The following PNPLA1 variants were observed in gnomAD, a reference collection of about 807,000 sequenced individuals.
PNPLA1 encodes the protein patatin like domain 1, omega-hydroxyceramide transacylase, also known as omega-hydroxyceramide transacylase.
In PNPLA1, 36 loss-of-function variants were observed where a neutral mutation model predicts 51.7. That is an observed-to-expected ratio of 0.70 (90% CI 0.53 to 0.92). The LOEUF (loss-of-function observed/expected upper bound fraction) is 0.92. PNPLA1 is among the 40% of genes least tolerant of loss of function. The pLI is 0.00. For missense variants in PNPLA1, 658 were observed against 682.5 expected (o/e 0.96, Z 0.40); for synonymous variants, 293 against 280.1 (o/e 1.05, Z -0.46).
chr6:36,262,734 C>T (rs995051008), intron 1 of PNPLA1, among the ~76,000 whole-genome samples: 9 of 152,104 alleles, frequency 5.9e-5, no homozygotes, highest in African/African-American at 2.2e-4. Context: ...GTTATTTTTC[C>T]TTCTTACCAA....
At chr6:36,260,404 T>C (rs1356766167) in intron 1 of PNPLA1, among the ~76,000 whole-genome samples, 4 of 152,214 alleles carry the variant, frequency 2.6e-5, no homozygotes, top group Non-Finnish European at 5.9e-5. Context: ...GAGAAATATA[T>C]GGAAAAAGTA....
At position 36,302,121 on chromosome 6, in the gene PNPLA1, C is replaced by G. The variant is rs762355904; in HGVS notation, c.1036C>G (p.Pro346Ala). The G allele has an allele frequency of 6.2e-7, 1 of 1,614,106 alleles. No homozygotes were observed. The highest frequency in any genetic ancestry group is 2.2e-5 in the East Asian group (1 of 44,892). ...EFTCESPVSA[P>A]VSPLEQPPAQ... ...CACATGCGAGTCACCTGTTTCAGCA[C>G]CAGTCTCTCCACTTGAGCAGCCACC... The change falls in exon 6 of 9, where the codon CCA becomes GCA. Residue 346 changes from proline to alanine, a missense_variant. Transcript: ENST00000636260.
At chr6:36,296,987 C>T (rs1470301745) in intron 5 of PNPLA1, among the ~76,000 whole-genome samples, 3 of 152,216 alleles carry the variant, frequency 2.0e-5, no homozygotes, top group Non-Finnish European at 4.4e-5. Flanking sequence ...AGCAAAGCCA[C>T]AAGCCCTTAT....
At chr6:36,262,847 A>G (rs988735666) in intron 1 of PNPLA1, among the ~76,000 whole-genome samples, 5 of 151,968 alleles carry the variant, frequency 3.3e-5, no homozygotes, top group African/African-American at 1.2e-4. Flanking sequence ...CATTCATTTA[A>G]CTAGCTTGCC....
chr6:36,276,533 TG>T (rs1453683271), intron 1 of PNPLA1, among the ~76,000 whole-genome samples: 2 of 152,184 alleles, frequency 1.3e-5, no homozygotes, highest in African/African-American at 4.8e-5. Context: ...TGATTGCCAC[TG>T]GGGGATCCAG....
At chr6:36,271,755 A>T (rs923598892) in intron 1 of PNPLA1, among the ~76,000 whole-genome samples, 2 of 152,170 alleles carry the variant, frequency 1.3e-5, no homozygotes, top group African/African-American at 4.8e-5. Flanking sequence ...GGAGGTCAAC[A>T]GGGGCCAGGT....
chr6:36,277,561 T>A (rs990211290), intron 1 of PNPLA1, among the ~76,000 whole-genome samples: 21 of 152,172 alleles, frequency 1.4e-4, no homozygotes, highest in Admixed American at 7.2e-4. Flanking sequence ...ACCAAAACCA[T>A]GACTTCCTAA....
chr6:36,262,865 T>C (rs575828000), intron 1 of PNPLA1, among the ~76,000 whole-genome samples: 2 of 152,178 alleles, frequency 1.3e-5, no homozygotes, highest in Non-Finnish European at 1.5e-5. Flanking sequence ...GCCATTGATA[T>C]ACTTTTAGGT....
At chr6:36,306,733 G>C (rs947451803) in intron 7 of PNPLA1, among the ~76,000 whole-genome samples, 1 of 152,080 alleles carries the variant, frequency 6.6e-6, no homozygotes, top group Non-Finnish European at 1.5e-5. Context: ...CTACCTCCCA[G>C]CCTTAGGTAG....
chr6:36,302,320 C>A lies in PNPLA1; in HGVS notation c.1235C>A (p.Ala412Asp), dbSNP rs919843591. 6.2e-7 allele frequency: 1 copy of A among 1,614,068 alleles called. No individual in the cohort carries two copies. Among genetic ancestry groups the A allele is most frequent in the African/African-American group, 1.3e-5 (1 of 75,058 alleles). ...QQQVQPSGSP[A>D]RSLHSQAPTS... ...CAGGTACAACCGTCTGGATCACCAG[C>A]CAGATCCCTACACTCTCAGGCACCC... is the stretch of plus-strand genomic sequence containing the variant. The change falls in exon 6 of 9, where the codon GCC becomes GAC. Residue 412 changes from alanine to aspartate, a missense_variant. Ala to Asp is a moderately radical substitution (Grantham distance 126, BLOSUM62 -2). Coordinates refer to ENST00000636260, the MANE Select transcript of PNPLA1 (RefSeq NM_001374623.1).
chr6:36,247,331 A>G (rs554682910), intron 1 of PNPLA1, among the ~76,000 whole-genome samples: 1 of 151,484 alleles, frequency 6.6e-6, no homozygotes, highest in Admixed American at 6.6e-5. Context: ...TTCCCTCCAC[A>G]CTCCAAGTTG....
At chr6:36,301,363 A>G (rs1370548670) in intron 5 of PNPLA1, among the ~76,000 whole-genome samples, 1 of 152,070 alleles carries the variant, frequency 6.6e-6, no homozygotes, top group Non-Finnish European at 1.5e-5. Flanking sequence ...TGCTGCCTAC[A>G]GCCCTGACAT....
At chr6:36,262,260 C>T (rs1248312337) in intron 1 of PNPLA1, among the ~76,000 whole-genome samples, 1 of 130,494 alleles carries the variant, frequency 7.7e-6, no homozygotes, top group East Asian at 2.4e-4. Flanking sequence ...ACCTCTGTCC[C>T]ACAGACAACC....
chr6:36,309,662 G>A (rs1018827039), intron 8 of PNPLA1, among the ~76,000 whole-genome samples: 10 of 152,214 alleles, frequency 6.6e-5, no homozygotes, highest in Admixed American at 3.3e-4. Context: ...CATAAACTGT[G>A]GGAAGCATTG....
intron 5 of PNPLA1, among the ~76,000 whole-genome samples, chr6:36,300,517 C>T (rs1311653705): frequency 6.6e-6 from 1 of 152,102 alleles, no homozygotes; most frequent in Non-Finnish European, 1.5e-5. Flanking sequence ...GACTATCGGT[C>T]AGGTATTTTG....
At chr6:36,311,106 C>T (rs966332265) in intron 8 of PNPLA1, among the ~76,000 whole-genome samples, 1 of 152,214 alleles carries the variant, frequency 6.6e-6, no homozygotes, top group Non-Finnish European at 1.5e-5. Context: ...CCTGCACCTA[C>T]TGAATCGGAA....
chr6:36,282,216 A>G (rs201029124), intron 1 of PNPLA1, among the ~76,000 whole-genome samples: 778 of 69,810 alleles, frequency 0.011, 2 homozygotes, highest in Non-Finnish European at 0.016. Flanking sequence ...AAGGAAGGGA[A>G]GGAAGGAAGG....
chr6:36,250,643 T>C (rs753854090), intron 1 of PNPLA1, among the ~76,000 whole-genome samples: 4 of 152,132 alleles, frequency 2.6e-5, no homozygotes, highest in African/African-American at 4.8e-5. Context: ...GAGATAACCG[T>C]CTTTAAGGTT....
At chr6:36,255,917 A>T (rs777838302) in intron 1 of PNPLA1, among the ~76,000 whole-genome samples, 1 of 152,222 alleles carries the variant, frequency 6.6e-6, no homozygotes, top group Admixed American at 6.5e-5. Flanking sequence ...TAGATTCAGT[A>T]GGTCTGGGCT....
Sources: allele counts gnomAD v4.1 joint callset (sites outside exome capture counted in the v4.1 genomes callset), GRCh38; gene constraint gnomAD v4.1.1; transcripts MANE v1.5; gene names NCBI Gene and HGNC (gene_info 2026-07-23, HGNC 2026-07-21).